Variants in FRRS1 observed in about 807,000 individuals in gnomAD.
FRRS1 encodes the protein ferric chelate reductase 1, also known as ferric reductase 1.
FRRS1 carries 51 observed loss-of-function variants against 70.7 expected under a neutral mutation model. That is an observed-to-expected ratio of 0.72 (90% CI 0.58 to 0.91). The LOEUF is 0.91. Among genes scored for constraint, FRRS1 ranks in the 40% least tolerant of loss-of-function variants. The probability of loss-of-function intolerance (pLI) is 0.00; values close to 1 mark genes in which losing one functional copy is unlikely to be tolerated. For synonymous variants in FRRS1, 225 were observed against 238.7 expected, an observed-to-expected ratio of 0.94 and a Z score of 0.53; for missense variants, 672 against 726.0, an observed-to-expected ratio of 0.93 and a Z score of 0.86.
At chr1:99,747,226 A>G (rs923644671) in intron 4 of FRRS1, 68 bp downstream of exon 4, 65 of 1,311,632 alleles carry the variant, frequency 5.0e-5, no homozygotes, top group Non-Finnish European at 5.7e-5. Flanking sequence ...CAGATTTCCA[A>G]TTTCCCCAGG....
intron 5 of FRRS1, among the ~76,000 whole-genome samples, chr1:99,741,551 C>G (rs1655962142): frequency 6.6e-6 from 1 of 152,206 alleles, no homozygotes. Context: ...TCCATTTCCC[C>G]TTGTATGTAG....
At chr1:99,742,634 A>C (rs1656030718) in intron 4 of FRRS1, among the ~76,000 whole-genome samples, 1 of 152,182 alleles carries the variant, frequency 6.6e-6, no homozygotes, top group Admixed American at 6.5e-5. Context: ...GAAAGAGAAA[A>C]ATTTCCTGCC....
chr1:99,721,121 C>T (rs1463840419), intron 9 of FRRS1, among the ~76,000 whole-genome samples: 1 of 152,124 alleles, frequency 6.6e-6, no homozygotes, highest in Non-Finnish European at 1.5e-5. Flanking sequence ...TGGCTCACGC[C>T]TGTAATTCCA....
intron 9 of FRRS1, among the ~76,000 whole-genome samples, chr1:99,723,438 G>C (rs535901237): frequency 6.2e-4 from 94 of 152,168 alleles, no homozygotes; most frequent in African/African-American, 2.1e-3. Flanking sequence ...GATGGCTTGA[G>C]CCCAGGAGGT....
At chr1:99,739,753 T>C (rs1191489260) in intron 6 of FRRS1, among the ~76,000 whole-genome samples, 4 of 152,210 alleles carry the variant, frequency 2.6e-5, no homozygotes, top group African/African-American at 7.2e-5. Flanking sequence ...TATTATTACA[T>C]CTCTTTCTAT....
intron 4 of FRRS1, 104 bp downstream of exon 4, chr1:99,747,190 G>T: frequency 1.2e-6 from 1 of 807,672 alleles, no homozygotes; most frequent in Non-Finnish European, 2.0e-6. Context: ...TTGTAGTTAA[G>T]TCTGGGGGGA....
intron 2 of FRRS1, 51 bp downstream of exon 2, chr1:99,748,846 T>G: frequency 1.0e-6 from 1 of 986,742 alleles, no homozygotes; most frequent in South Asian, 1.7e-5. Flanking sequence ...GGACCATAAT[T>G]CTAGATAACT....
At chr1:99,733,480 T>C (rs574249571) in intron 7 of FRRS1, among the ~76,000 whole-genome samples, 2 of 152,288 alleles carry the variant, frequency 1.3e-5, no homozygotes, top group Admixed American at 6.5e-5. Context: ...ATGGAGAACA[T>C]CTTGTTACAC....
rs759815789 is a variant in FRRS1 at position 99,738,145 on chromosome 1, C to T, written c.700G>A (p.Glu234Lys). ...FTRDDQSVMVEMSGPSKGYLS... is the reference protein window; with the variant it reads ...FTRDDQSVMVKMSGPSKGYLS... The stretch of plus-strand genomic sequence containing the variant: ...TAGCCTTTACTGGGGCCGCTCATTT[C>T]AACCATCACCGATTGGTCATCTCTT... Residue 234 changes from glutamate (E) to lysine (K), a missense_variant, in exon 7 of 17, where the codon GAA becomes AAA. By Grantham distance (56) the Glu-to-Lys change is moderately conservative. Transcript: ENST00000646001. The T allele has an allele frequency of 3.0e-5, 48 of 1,613,758 alleles. No individual in the cohort carries two copies. The highest frequency in any genetic ancestry group is 1.6e-4 in the Middle Eastern group (1 of 6,084).
In FRRS1 at chr1:99,708,731, A is replaced by C; in HGVS notation, c.*297T>G. ...TTTCCAAATCACTATTTATTTTCTT[A>C]AATACCAACATTCTTAAAATCTTGG... On this transcript the variant is annotated 3_prime_UTR_variant, in exon 17 of 17. Transcript: ENST00000646001. 2.1e-6 allele frequency: 1 copy of C among 483,852 alleles called. No individual in the cohort carries two copies. Among genetic ancestry groups the C allele is most frequent in the Admixed American group, 3.8e-5 (1 of 26,498 alleles). The allele number at this position is 483,852 out of a possible 1,614,324, so 30.0% of individuals were successfully genotyped here. A position where few individuals can be genotyped will look rare whatever the true frequency, so the allele number is the denominator to read the frequency against.
At chr1:99,721,313 G>A (rs528385098) in intron 9 of FRRS1, among the ~76,000 whole-genome samples, 12 of 151,596 alleles carry the variant, frequency 7.9e-5, no homozygotes, top group African/African-American at 2.7e-4. Context: ...CTTGAACCCA[G>A]GAGGCAGAGG....
At chr1:99,730,555 T>TA (rs79914094) in intron 7 of FRRS1, among the ~76,000 whole-genome samples, 2 of 151,954 alleles carry the variant, frequency 1.3e-5, no homozygotes, top group Non-Finnish European at 2.9e-5. Flanking sequence ...GACTTCATCC[T>TA]AAAAAAAATT....
rs985598795 is a variant in FRRS1, at chr1:99,706,363, C to T, written c.*2665G>A. Among the ~76,000 whole-genome samples the T allele has an allele frequency of 1.3e-5, 2 of 149,840 alleles. No individual in the cohort carries two copies. Among genetic ancestry groups the T allele is most frequent in the South Asian group, 2.1e-4 (1 of 4,742 alleles). On this transcript the variant is annotated 3_prime_UTR_variant, in exon 17 of 17. Coordinates refer to ENST00000646001, the MANE Select transcript of FRRS1 (RefSeq NM_001361041.2). ...GGTCAAGGCTGCAGTGGGCTAAGAT[C>T]GCACCACTGCACTCCAGCCTGGGCA...
At position 99,747,432 on chromosome 1, in the gene FRRS1, T is replaced by C; in HGVS notation, c.197-2A>G. On this transcript the variant is annotated splice_acceptor_variant, in intron 3 of 16. Transcript: ENST00000646001. LOFTEE classifies it high-confidence loss of function. The stretch of plus-strand genomic sequence containing the variant: ...TAAATGGATGCCCTGACAAAGTAAC[T>C]GAGAAAAAGACAAAAGGGTTGGTTA... 11 of 1,605,332 alleles carry C rather than the reference T, an allele frequency of 6.9e-6. No homozygotes were observed. Among genetic ancestry groups the C allele is most frequent in the Non-Finnish European group, 9.3e-6 (11 of 1,177,678 alleles).
At chr1:99,709,167 G>A (rs1362713022) in intron 16 of FRRS1, 31 bp downstream of exon 16, 1 of 1,606,222 alleles carries the variant, frequency 6.2e-7, no homozygotes, top group Non-Finnish European at 8.5e-7. Context: ...TACCATTAAG[G>A]TTTGTGTCAA....
At chr1:99,711,238 T>C (rs567777145) in intron 14 of FRRS1, 3 of 349,450 alleles carry the variant, frequency 8.6e-6, no homozygotes, top group African/African-American at 2.1e-5. Flanking sequence ...GTGGTGAACA[T>C]AGTACCCAAA....
intron 1 of FRRS1, among the ~76,000 whole-genome samples, chr1:99,762,450 T>C (rs1657150738): frequency 6.6e-6 from 1 of 151,866 alleles, no homozygotes; most frequent in South Asian, 2.1e-4. Context: ...ACTTTTTCTC[T>C]TGGCTTTTCT....
chr1:99,721,484 C>T (rs1022774845), intron 9 of FRRS1, among the ~76,000 whole-genome samples: 1 of 151,788 alleles, frequency 6.6e-6, no homozygotes, highest in Non-Finnish European at 1.5e-5. Flanking sequence ...TTAAATCAGC[C>T]CCCAAAAATC....
intron 7 of FRRS1, among the ~76,000 whole-genome samples, chr1:99,731,853 A>G (rs897585595): frequency 1.7e-4 from 26 of 152,156 alleles, no homozygotes; most frequent in Non-Finnish European, 2.9e-5. Flanking sequence ...AAAAGTAGAG[A>G]TGGATTCTCG....
Sources: allele counts gnomAD v4.1 joint callset (sites outside exome capture counted in the v4.1 genomes callset), GRCh38; gene constraint gnomAD v4.1.1; transcripts MANE v1.5; gene names NCBI Gene and HGNC (gene_info 2026-07-23, HGNC 2026-07-21).